The following FSTL5 variants were observed in gnomAD, a reference collection of about 807,000 sequenced individuals.
FSTL5 encodes follistatin-related protein 5.
A neutral mutation model predicts 89.1 loss-of-function variants in FSTL5; 62 were observed. That is an observed-to-expected ratio of 0.70 (90% CI 0.57 to 0.86). The LOEUF is 0.86. Ranked by LOEUF, FSTL5 falls within the 40% of genes least tolerant of loss-of-function variation. The pLI is 0.00. For missense variants in FSTL5, 1,057 were observed against 1,001.6 expected (o/e 1.06, Z -0.75); for synonymous variants, 383 against 346.2 (o/e 1.11, Z -1.18).
rs546353808 is a variant in FSTL5 at position 161,617,650 on chromosome 4, T to C, written c.895-30075A>G. ...GGAAATAAAAGTGACACATTGCATA[T>C]AGTGAACAATAATGAGATTGACCAC... is the stretch of plus-strand genomic sequence containing the variant. On this transcript the variant is annotated intron_variant, in intron 7 of 15. Transcript: ENST00000306100. Among the ~76,000 whole-genome samples, 6 of 152,216 alleles carry C rather than the reference T, an allele frequency of 3.9e-5. No individual in the cohort carries two copies. In the South Asian group the frequency reaches 1.2e-3, roughly 32 times the overall value.
At chr4:161,754,493 T>C (rs1740506990) in intron 6 of FSTL5, among the ~76,000 whole-genome samples, 1 of 152,142 alleles carries the variant, frequency 6.6e-6, no homozygotes. Context: ...AAGTTCATAA[T>C]CCTCATAAAA....
intron 6 of FSTL5, among the ~76,000 whole-genome samples, chr4:161,696,140 G>A (rs1047450999): frequency 2.0e-5 from 3 of 152,120 alleles, no homozygotes; most frequent in African/African-American, 7.2e-5. Context: ...TTTGTATAAG[G>A]TGAATGATGA....
chr4:161,915,150 C>T (rs72691290), intron 4 of FSTL5, among the ~76,000 whole-genome samples: 14,377 of 152,044 alleles, frequency 0.095, 729 homozygotes, highest in East Asian at 0.17. Context: ...AAGTTTGTTG[C>T]CTTCACTATA....
chr4:161,838,264 T>A (rs1453898312), intron 4 of FSTL5, among the ~76,000 whole-genome samples: 1 of 152,196 alleles, frequency 6.6e-6, no homozygotes, highest in East Asian at 1.9e-4. Flanking sequence ...TACCTTTATG[T>A]ATTAAAAGTT....
intron 5 of FSTL5, among the ~76,000 whole-genome samples, chr4:161,771,998 C>T (rs1741227005): frequency 6.6e-6 from 1 of 152,104 alleles, no homozygotes; most frequent in Admixed American, 6.6e-5. Flanking sequence ...TTCATTTTAG[C>T]AGACCTTTTT....
intron 15 of FSTL5, among the ~76,000 whole-genome samples, chr4:161,397,610 T>G (rs548662697): frequency 2.7e-5 from 4 of 150,592 alleles, no homozygotes; most frequent in Non-Finnish European, 5.9e-5. Context: ...TTGGTATTAA[T>G]AGTATTATAA....
chr4:161,562,073 A>T (rs1260132340), intron 8 of FSTL5, among the ~76,000 whole-genome samples: 1 of 152,044 alleles, frequency 6.6e-6, no homozygotes, highest in Non-Finnish European at 1.5e-5. Context: ...GGACATGGGT[A>T]CTAAGCCAAT....
At chr4:161,729,043 C>T (rs911722319) in intron 6 of FSTL5, among the ~76,000 whole-genome samples, 3 of 152,070 alleles carry the variant, frequency 2.0e-5, no homozygotes, top group Non-Finnish European at 4.4e-5. Flanking sequence ...GAAGCACTGC[C>T]ACAGAGACCA....
chr4:161,529,409 A>G (rs932909298), intron 10 of FSTL5, among the ~76,000 whole-genome samples: 6 of 142,776 alleles, frequency 4.2e-5, no homozygotes, highest in African/African-American at 1.5e-4. Context: ...AAGCATGAAT[A>G]TTGGAATTTA....
intron 8 of FSTL5, among the ~76,000 whole-genome samples, chr4:161,560,317 G>C (rs72687540): frequency 1.7e-4 from 26 of 151,846 alleles, no homozygotes; most frequent in Admixed American, 1.5e-3. Flanking sequence ...CAGTGAGTAT[G>C]TGGTGAGTGA....
At chr4:161,896,437 TTTAATGCTAGA>T (rs1205568300) in intron 4 of FSTL5, among the ~76,000 whole-genome samples, 2 of 152,178 alleles carry the variant, frequency 1.3e-5, no homozygotes, top group Non-Finnish European at 2.9e-5. Context: ...AAATTTTAAC[TTTAATGCTAGA>T]AAGATGCCCC....
At chr4:161,926,785 T>A (rs1257068465) in intron 3 of FSTL5, among the ~76,000 whole-genome samples, 1 of 151,864 alleles carries the variant, frequency 6.6e-6, no homozygotes. Flanking sequence ...TCTCTTATTA[T>A]CTTAATATCT....
intron 7 of FSTL5, among the ~76,000 whole-genome samples, chr4:161,635,504 A>T (rs1284286167): frequency 6.9e-6 from 1 of 144,508 alleles, no homozygotes; most frequent in Non-Finnish European, 1.5e-5. Flanking sequence ...AAAAAAAAAA[A>T]ATCCATCTAG....
chr4:161,993,709 CTTG>C (rs1421788317), intron 3 of FSTL5, among the ~76,000 whole-genome samples: 3 of 151,992 alleles, frequency 2.0e-5, no homozygotes, highest in South Asian at 4.2e-4. Context: ...TTCTAGCATG[CTTG>C]TTGTGTAGAT....
At chr4:162,157,310 G>T (rs1240049571) in intron 1 of FSTL5, among the ~76,000 whole-genome samples, 1 of 151,952 alleles carries the variant, frequency 6.6e-6, no homozygotes, top group Admixed American at 6.6e-5. Context: ...TCAACTGACT[G>T]CCAGAAAAAA....
chr4:161,729,427 T>C (rs1246054131), intron 6 of FSTL5, among the ~76,000 whole-genome samples: 1 of 152,074 alleles, frequency 6.6e-6, no homozygotes, highest in Non-Finnish European at 1.5e-5. Context: ...TCATGTCCAG[T>C]TTTAAGCTTT....
At chr4:161,984,740 G>T (rs932176376) in intron 3 of FSTL5, among the ~76,000 whole-genome samples, 1 of 152,010 alleles carries the variant, frequency 6.6e-6, no homozygotes, top group African/African-American at 2.4e-5. Context: ...ATCAATGTGT[G>T]CTTATTTTAA....
At chr4:161,752,017 GA>G (rs1345465101) in intron 6 of FSTL5, among the ~76,000 whole-genome samples, 2 of 152,144 alleles carry the variant, frequency 1.3e-5, no homozygotes, top group East Asian at 3.9e-4. Flanking sequence ...CTTTGTGTTT[GA>G]ATGCAAGGTT....
chr4:161,585,239 G>C (rs1733566885), intron 8 of FSTL5, among the ~76,000 whole-genome samples: 1 of 152,178 alleles, frequency 6.6e-6, no homozygotes, highest in Non-Finnish European at 1.5e-5. Flanking sequence ...AAATGAGTAA[G>C]TTATGTAAGA....
Sources: allele counts gnomAD v4.1 joint callset (sites outside exome capture counted in the v4.1 genomes callset), GRCh38; gene constraint gnomAD v4.1.1; transcripts MANE v1.5; gene names NCBI Gene and HGNC (gene_info 2026-07-23, HGNC 2026-07-21).